The following WWOX variants were observed in gnomAD, a reference collection of about 807,000 sequenced individuals.
The protein encoded by WWOX is WW domain containing oxidoreductase.
WWOX carries 69 observed loss-of-function variants against 46.2 expected under a neutral mutation model. The ratio of observed to expected loss-of-function variants is 1.49; its 90% confidence interval spans 1.23 to 1.82. WWOX has a LOEUF of 1.82. Ranked by LOEUF, WWOX falls within the 40% of genes most tolerant of loss-of-function variation. The pLI, the probability that WWOX is intolerant of heterozygous loss-of-function variation, is 0.00. For missense variants in WWOX, 919 were observed against 542.6 expected (o/e 1.69, Z -6.89); for synonymous variants, 359 against 202.6 (o/e 1.77, Z -6.56).
At chr16:78,485,746 G>A (rs1021248893) in intron 8 of WWOX, among the ~76,000 whole-genome samples, 6 of 152,180 alleles carry the variant, frequency 3.9e-5, no homozygotes, top group African/African-American at 9.7e-5. Flanking sequence ...AGATTGCCGC[G>A]GAGCCGCTTT....
chr16:78,517,395 A>G (rs1039299769), intron 8 of WWOX, among the ~76,000 whole-genome samples: 4 of 151,446 alleles, frequency 2.6e-5, no homozygotes, highest in Admixed American at 2.6e-4. Flanking sequence ...AGAATGAGCA[A>G]TTGAAAATCA....
At chr16:78,110,773 C>T (rs1367251457) in intron 3 of WWOX, among the ~76,000 whole-genome samples, 2 of 152,302 alleles carry the variant, frequency 1.3e-5, no homozygotes, top group East Asian at 1.9e-4. Flanking sequence ...TTATCCCTAG[C>T]TTACTGCCAG....
chr16:78,121,572 A>T (rs558587349), intron 4 of WWOX, among the ~76,000 whole-genome samples: 1 of 152,310 alleles, frequency 6.6e-6, no homozygotes, highest in East Asian at 1.9e-4. Flanking sequence ...CTCATGTAAA[A>T]TGCTTATAAT....
At chr16:78,989,393 C>CA (rs1282637191) in intron 8 of WWOX, among the ~76,000 whole-genome samples, 1 of 152,180 alleles carries the variant, frequency 6.6e-6, no homozygotes, top group Non-Finnish European at 1.5e-5. Flanking sequence ...CTGATGCAGT[C>CA]AAACCACCCT....
chr16:78,335,701 C>G (rs1025822902), intron 5 of WWOX, among the ~76,000 whole-genome samples: 2 of 152,124 alleles, frequency 1.3e-5, no homozygotes, highest in African/African-American at 4.8e-5. Flanking sequence ...TTCACCCAAT[C>G]CGAATTTTAA....
At chr16:79,105,931 C>T (rs1331295353) in intron 8 of WWOX, 2 of 152,188 alleles carry the variant, frequency 1.3e-5, no homozygotes, top group East Asian at 1.9e-4. Flanking sequence ...TCTTGGCCTC[C>T]CGAAGTGTTG....
chr16:78,870,424 T>C (rs1354504396), intron 8 of WWOX, among the ~76,000 whole-genome samples: 1 of 152,148 alleles, frequency 6.6e-6, no homozygotes, highest in Non-Finnish European at 1.5e-5. Flanking sequence ...CAAGCTTGAA[T>C]GACCTGCCAT....
intron 8 of WWOX, among the ~76,000 whole-genome samples, chr16:78,608,143 G>T (rs1257001565): frequency 6.6e-6 from 1 of 152,140 alleles, no homozygotes; most frequent in African/African-American, 2.4e-5. Flanking sequence ...GAAACCCAGA[G>T]AGGTCGTACG....
chr16:78,712,377 C>T (rs895113065), intron 8 of WWOX, among the ~76,000 whole-genome samples: 1 of 151,934 alleles, frequency 6.6e-6, no homozygotes, highest in African/African-American at 2.4e-5. Flanking sequence ...TGTTGTGTGC[C>T]TGTAGGCCTA....
At chr16:78,625,949 C>T (rs562447507) in intron 8 of WWOX, among the ~76,000 whole-genome samples, 3 of 150,130 alleles carry the variant, frequency 2.0e-5, no homozygotes, top group African/African-American at 7.3e-5. Flanking sequence ...TAAAAGTAAT[C>T]GCAGTTTTTG....
intron 8 of WWOX, among the ~76,000 whole-genome samples, chr16:79,085,460 A>T (rs2048837220): frequency 6.6e-6 from 1 of 152,062 alleles, no homozygotes; most frequent in Non-Finnish European, 1.5e-5. Context: ...CACTGGGCCG[A>T]TGTGGGCACA....
intron 5 of WWOX, among the ~76,000 whole-genome samples, chr16:78,211,635 G>A (rs1450361507): frequency 6.6e-6 from 1 of 152,198 alleles, no homozygotes; most frequent in African/African-American, 2.4e-5. Flanking sequence ...GCTGGACTGT[G>A]TGCTTAGAAT....
At chr16:79,042,156 G>T (rs187862831) in intron 8 of WWOX, among the ~76,000 whole-genome samples, 1 of 152,268 alleles carries the variant, frequency 6.6e-6, no homozygotes, top group African/African-American at 2.4e-5. Context: ...GTATTCACAG[G>T]TGGAGGCTCA....
chr16:78,625,356 G>A (rs1423777924), intron 8 of WWOX, among the ~76,000 whole-genome samples: 2 of 152,130 alleles, frequency 1.3e-5, no homozygotes, highest in Admixed American at 6.5e-5. Context: ...CCATTTGAGG[G>A]TAACTGGATC....
At chr16:78,925,416 A>G (rs1354716160) in intron 8 of WWOX, among the ~76,000 whole-genome samples, 3 of 152,190 alleles carry the variant, frequency 2.0e-5, no homozygotes, top group Admixed American at 2.0e-4. Flanking sequence ...AAATATGTCC[A>G]CGAAGTTCCA....
At position 78,466,473 on chromosome 16, in the gene WWOX, G is replaced by T. The variant is rs16944107; in HGVS notation, c.1056+33721G>T. ...TATGTGAATTTCATCTCAGCAAAAAGAGGCTAACACATAAGGAGACATATT... is the reference window on the plus strand; with the variant it reads ...TATGTGAATTTCATCTCAGCAAAAATAGGCTAACACATAAGGAGACATATT... On this transcript the variant is annotated intron_variant, in intron 8 of 8. Coordinates refer to ENST00000566780, the MANE Select transcript of WWOX (RefSeq NM_016373.4). Among the ~76,000 whole-genome samples the T allele has an allele frequency of 9.7e-3, 1,481 of 152,298 alleles. 22 individuals carry two copies. The highest frequency in any genetic ancestry group is 0.032 in the African/African-American group (1,317 of 41,560).
chr16:78,412,752 T>C (rs2082712006), intron 6 of WWOX, among the ~76,000 whole-genome samples: 1 of 152,148 alleles, frequency 6.6e-6, no homozygotes, highest in African/African-American at 2.4e-5. Context: ...TTTGAGAGGT[T>C]CTGGATGGTG....
At chr16:78,567,626 C>G (rs1423692596) in intron 8 of WWOX, among the ~76,000 whole-genome samples, 1 of 151,674 alleles carries the variant, frequency 6.6e-6, no homozygotes, top group Non-Finnish European at 1.5e-5. Flanking sequence ...TCGCCGCAGC[C>G]TGCTATTGTA....
intron 8 of WWOX, among the ~76,000 whole-genome samples, chr16:78,941,097 TG>T (rs2151292236): frequency 6.6e-6 from 1 of 152,276 alleles, no homozygotes; most frequent in East Asian, 1.9e-4. Flanking sequence ...CCTCACATCT[TG>T]CAAAGAATCC....
Sources: allele counts gnomAD v4.1 joint callset (sites outside exome capture counted in the v4.1 genomes callset), GRCh38; gene constraint gnomAD v4.1.1; transcripts MANE v1.5; gene names NCBI Gene and HGNC (gene_info 2026-07-23, HGNC 2026-07-21).